Variants in PTK2 observed in about 807,000 individuals in gnomAD.
PTK2 encodes focal adhesion kinase 1.
PTK2 carries 45 observed loss-of-function variants against 150.1 expected under a neutral mutation model. The observed-to-expected ratio is 0.30, with a 90% CI of 0.24 to 0.38. The LOEUF (loss-of-function observed/expected upper bound fraction) is 0.38, where lower values mean the gene tolerates loss of function less well. PTK2 is among the 10% of genes least tolerant of loss of function. The probability of loss-of-function intolerance (pLI) is 1.00; values close to 1 mark genes in which losing one functional copy is unlikely to be tolerated. For synonymous variants in PTK2, 432 were observed against 449.2 expected (o/e 0.96, Z 0.48); for missense variants, 919 against 1,307.3 (o/e 0.70, Z 4.58).
chr8:140,745,247 A>T (rs2100058036), intron 18 of PTK2, among the ~76,000 whole-genome samples: 1 of 152,216 alleles, frequency 6.6e-6, no homozygotes, highest in Non-Finnish European at 1.5e-5. Flanking sequence ...TTCCTTCCCC[A>T]TGAAGTTTTG....
intron 11 of PTK2, among the ~76,000 whole-genome samples, chr8:140,800,833 G>GA (rs2154593308): frequency 6.6e-6 from 1 of 152,214 alleles, no homozygotes; most frequent in South Asian, 2.1e-4. Context: ...CAAAAGAGAT[G>GA]AAAAAAGTAT....
chr8:140,715,739 CT>C (rs1428873160), intron 23 of PTK2, among the ~76,000 whole-genome samples: 1 of 151,546 alleles, frequency 6.6e-6, no homozygotes, highest in Admixed American at 6.6e-5. Flanking sequence ...CAGCAATCTG[CT>C]TATAGAAAAG....
At chr8:140,712,925 A>T (rs1175263001) in intron 23 of PTK2, among the ~76,000 whole-genome samples, 1 of 152,160 alleles carries the variant, frequency 6.6e-6, no homozygotes, top group East Asian at 1.9e-4. Flanking sequence ...CAAATATGCA[A>T]CTCTGAACAG....
chr8:140,823,202 G>A (rs2100109847), intron 8 of PTK2, among the ~76,000 whole-genome samples: 1 of 152,212 alleles, frequency 6.6e-6, no homozygotes, highest in East Asian at 1.9e-4. Flanking sequence ...ACCAAATGTT[G>A]GTATATTCAT....
intron 20 of PTK2, among the ~76,000 whole-genome samples, chr8:140,742,343 C>T (rs1356708326): frequency 2.0e-5 from 3 of 152,192 alleles, no homozygotes; most frequent in East Asian, 3.8e-4. Context: ...CTGCAATGAA[C>T]ATTTGAGTAT....
chr8:140,938,983 T>TC (rs1244531854), intron 1 of PTK2, among the ~76,000 whole-genome samples: 1 of 150,396 alleles, frequency 6.6e-6, no homozygotes, highest in Non-Finnish European at 1.5e-5. Flanking sequence ...TTCTCAGTAT[T>TC]TTTTTTTTTG....
intron 1 of PTK2, among the ~76,000 whole-genome samples, chr8:140,927,975 A>AAAAAAAAAAAAAATATAT: frequency 2.1e-5 from 1 of 48,196 alleles, no homozygotes; most frequent in Non-Finnish European, 3.4e-5. Flanking sequence ...AAAAAAAAAA[A>AAAAAAAAAAAAAATATAT]ATATATATAT....
intron 3 of PTK2, among the ~76,000 whole-genome samples, chr8:140,885,718 T>G (rs2100152017): frequency 6.6e-6 from 1 of 152,064 alleles, no homozygotes; most frequent in Non-Finnish European, 1.5e-5. Context: ...TGGGGGGATT[T>G]AAGCAAATCA....
intron 1 of PTK2, among the ~76,000 whole-genome samples, chr8:140,929,175 C>T (rs1271842056): frequency 1.3e-5 from 2 of 150,784 alleles, no homozygotes; most frequent in African/African-American, 2.4e-5. Context: ...CCATTTTAGC[C>T]GGGATGGTCT....
intron 14 of PTK2, among the ~76,000 whole-genome samples, chr8:140,772,697 AG>A (rs2100076195): frequency 6.6e-6 from 1 of 151,328 alleles, no homozygotes; most frequent in Non-Finnish European, 1.5e-5. Context: ...ACATGGTTCA[AG>A]GAAAAAACTA....
intron 21 of PTK2, among the ~76,000 whole-genome samples, chr8:140,736,459 C>T (rs1305873020): frequency 1.3e-5 from 2 of 151,370 alleles, no homozygotes; most frequent in Admixed American, 6.6e-5. Context: ...CAACTGAAGC[C>T]CAAACCTCAG....
Position 140,754,759 on chromosome 8 carries a change from G to A in PTK2, c.1333-2443C>T, listed in dbSNP as rs1451281206. Among the ~76,000 whole-genome samples, 3 of 152,206 alleles carry A rather than the reference G, an allele frequency of 2.0e-5. No individual in the cohort carries two copies. The East Asian group carries it at 5.8e-4, about 29-fold the overall frequency. On this transcript the variant is annotated intron_variant, in intron 16 of 31. Coordinates refer to ENST00000522684, the Ensembl canonical transcript of PTK2. The stretch of plus-strand genomic sequence containing the variant: ...GCTCAGCCTTCGGTTTGGCGAATAG[G>A]ACATGCGGCTAGTGGCCCCTAAAGT...
chr8:140,815,284 T>C (rs1436281986), intron 10 of PTK2, among the ~76,000 whole-genome samples: 2 of 151,796 alleles, frequency 1.3e-5, no homozygotes, highest in African/African-American at 4.8e-5. Flanking sequence ...TGGAGGCCAT[T>C]ATCTTTAGCA....
chr8:140,700,334 A>AT lies in PTK2; in HGVS notation c.2499+556dup, dbSNP rs938491733. Among the ~76,000 whole-genome samples, 348 of 148,244 alleles carry AT rather than the reference A, an allele frequency of 2.3e-3. 1 individual carries two copies. Among genetic ancestry groups the AT allele is most frequent in the Non-Finnish European group, 2.7e-3 (179 of 66,676 alleles). On this transcript the variant is annotated intron_variant, in intron 26 of 31. Transcript: ENST00000522684. ...AGGTGTGAGCCACAATGCCTGGCTA[A>AT]TTTTTTTTTTTATTTTTTGTAGAGA...
chr8:140,708,035 T>C (rs2100034764), intron 23 of PTK2, among the ~76,000 whole-genome samples: 1 of 152,170 alleles, frequency 6.6e-6, no homozygotes, highest in South Asian at 2.1e-4. Context: ...TCAAAGTTCA[T>C]AGTGAAAGAA....
At chr8:140,763,680 A>G (rs1299477323) in intron 15 of PTK2, among the ~76,000 whole-genome samples, 1 of 152,108 alleles carries the variant, frequency 6.6e-6, no homozygotes, top group Non-Finnish European at 1.5e-5. Flanking sequence ...AGGTCCTTTA[A>G]GAGTTCTGTT....
In PTK2 at chr8:140,985,405, ATTGAGTCACTGTGCC is replaced by A. The variant is rs1258414363; in HGVS notation, c.-122+15705_-122+15719del. On this transcript the variant is annotated intron_variant, in intron 1 of 31. Coordinates refer to ENST00000522684, the Ensembl canonical transcript of PTK2. Reference sequence around the variant, plus strand: ...CTCCCAAAGTGCTCGAATTACAGGCATTGAGTCACTGTGCCTGGCCTCATGACATTTTTAAAAATC... The same window carrying A: ...CTCCCAAAGTGCTCGAATTACAGGCATGGCCTCATGACATTTTTAAAAATC... Among the ~76,000 whole-genome samples the A allele has an allele frequency of 3.9e-5, 6 of 152,272 alleles. No individual in the cohort carries two copies. The East Asian group carries it at 1.2e-3, about 29-fold the overall frequency.
chr8:140,809,214 ATAC>A (rs1010698103), intron 10 of PTK2, among the ~76,000 whole-genome samples: 1 of 152,202 alleles, frequency 6.6e-6, no homozygotes, highest in Non-Finnish European at 1.5e-5. Context: ...AATAATGAAG[ATAC>A]TACAAAAACA....
At chr8:140,837,999 T>C (rs971238480) in intron 7 of PTK2, among the ~76,000 whole-genome samples, 1 of 151,250 alleles carries the variant, frequency 6.6e-6, no homozygotes, top group African/African-American at 2.4e-5. Context: ...GAGGAGGAGG[T>C]TGCTGCAAGC....
Sources: gnomAD v4.1 joint callset for allele counts (sites outside exome capture counted in the v4.1 genomes callset) on GRCh38, gnomAD v4.1.1 for gene constraint, MANE v1.5 for transcripts, NCBI Gene and HGNC (gene_info 2026-07-23, HGNC 2026-07-21) for gene names.